The following NECTIN3 variants were observed in gnomAD, a reference collection of about 807,000 sequenced individuals.
NECTIN3 encodes nectin-3.
Under a neutral mutation model 49.4 loss-of-function variants are expected in NECTIN3, and 8 were observed. The observed-to-expected ratio is 0.16, with a 90% CI of 0.10 to 0.29. The LOEUF (loss-of-function observed/expected upper bound fraction) is 0.29. NECTIN3 is among the 10% of genes least tolerant of loss of function. The pLI, the probability that NECTIN3 is intolerant of heterozygous loss-of-function variation, is 1.00. For synonymous variants in NECTIN3, 277 were observed against 241.1 expected (o/e 1.15, Z -1.38); for missense variants, 581 against 654.6 (o/e 0.89, Z 1.23).
intron 6 of NECTIN3, chr3:111,147,293 TATATA>T (rs2034896032): frequency 2.6e-6 from 2 of 768,594 alleles, no homozygotes; most frequent in Non-Finnish European, 2.0e-6. Context: ...AAATATTATC[TATATA>T]ATATGAGGAA....
chr3:111,110,409 G>A (rs549284788), intron 1 of NECTIN3, among the ~76,000 whole-genome samples: 19 of 151,948 alleles, frequency 1.3e-4, no homozygotes, highest in African/African-American at 4.1e-4. Flanking sequence ...TTTTAACATC[G>A]AATAAGAAAG....
intron 7 of NECTIN3, among the ~76,000 whole-genome samples, chr3:111,150,019 CAT>C (rs1258118773): frequency 6.6e-6 from 1 of 151,794 alleles, no homozygotes. Context: ...TTTAGGAAAA[CAT>C]ATATAGTATT....
At chr3:111,074,353 T>C in intron 1 of NECTIN3, 1 of 366,204 alleles carries the variant, frequency 2.7e-6, no homozygotes, top group Non-Finnish European at 5.8e-6. Flanking sequence ...ATGTAATTAA[T>C]ATTTGCGTGG....
At position 111,135,402 on chromosome 3, in the gene NECTIN3, T is replaced by G; in HGVS notation, c.*1187T>G. ...ACATGAGGTTTTTTGTTTTTGTTTT[T>G]TTACATAATTACATATATTCCTTCT... On this transcript the variant is annotated 3_prime_UTR_variant, in exon 6 of 6. Coordinates refer to ENST00000485303, the MANE Select transcript of NECTIN3 (RefSeq NM_015480.3). The G allele has an allele frequency of 1.1e-6, 1 of 934,278 alleles. No homozygotes were observed. Among genetic ancestry groups the G allele is most frequent in the Non-Finnish European group, 1.3e-6 (1 of 783,620 alleles). 57.9% of individuals were successfully genotyped at this position (934,278 alleles called of 1,614,324 possible).
rs968565472 is a variant in NECTIN3, at chr3:111,135,571, T to G, written c.*1356T>G. 12 of 976,382 alleles carry G rather than the reference T, an allele frequency of 1.2e-5. No homozygotes were observed. In the African/African-American group the frequency reaches 1.8e-4, roughly 14 times the overall value. 60.5% of individuals were successfully genotyped at this position (976,382 alleles called of 1,614,324 possible). A position where few individuals can be genotyped will look rare whatever the true frequency, so the allele number is the denominator to read the frequency against. ...GAAGCTGAAAGGATAGTTTTTCTAT[T>G]GCTAAGTCATTTGAAAAAGTGACCA... On this transcript the variant is annotated 3_prime_UTR_variant, in exon 6 of 6. Coordinates refer to ENST00000485303, the MANE Select transcript of NECTIN3 (RefSeq NM_015480.3).
At chr3:111,184,591 C>T (rs578246592) in intron 7 of NECTIN3, among the ~76,000 whole-genome samples, 75 of 152,206 alleles carry the variant, frequency 4.9e-4, no homozygotes, top group African/African-American at 1.8e-3. Context: ...TTACCCAGTC[C>T]GTGGTATTCT....
At chr3:111,095,524 C>A (rs763175103) in intron 1 of NECTIN3, among the ~76,000 whole-genome samples, 4 of 152,182 alleles carry the variant, frequency 2.6e-5, no homozygotes, top group Non-Finnish European at 5.9e-5. Flanking sequence ...GACATCTAAT[C>A]TGGTTATATT....
In NECTIN3 at chr3:111,149,353, A is replaced by G. The variant is rs190961246; in HGVS notation, c.1221+1869A>G. On this transcript the variant is annotated intron_variant, in intron 7 of 8. Coordinates refer to the NECTIN3 transcript ENST00000493615. Reference sequence around the variant, plus strand: ...CTTCAGAATTACCTTCCCAGATTCCATAAAAATTCTATTGAACTCCTGAAT... The same window carrying G: ...CTTCAGAATTACCTTCCCAGATTCCGTAAAAATTCTATTGAACTCCTGAAT... Among the ~76,000 whole-genome samples, 210 of 152,132 alleles carry G rather than the reference A, an allele frequency of 1.4e-3. 1 individual carries two copies. The highest frequency in any genetic ancestry group is 4.4e-3 in the African/African-American group (184 of 41,524).
At chr3:111,187,138 A>G (rs2035733992) in intron 7 of NECTIN3, among the ~76,000 whole-genome samples, 1 of 152,214 alleles carries the variant, frequency 6.6e-6, no homozygotes, top group African/African-American at 2.4e-5. Flanking sequence ...AAAACTAAGC[A>G]TATACCTCAC....
chr3:111,080,127 A>G (rs966634672), intron 1 of NECTIN3, among the ~76,000 whole-genome samples: 2 of 152,114 alleles, frequency 1.3e-5, no homozygotes, highest in Non-Finnish European at 2.9e-5. Flanking sequence ...AAATAAGACT[A>G]TCTAGATTAT....
chr3:111,187,186 C>T (rs1263096126), intron 7 of NECTIN3, among the ~76,000 whole-genome samples: 26 of 152,008 alleles, frequency 1.7e-4, no homozygotes, highest in African/African-American at 5.6e-4. Context: ...TCATTTGACA[C>T]CAGGAATTTG....
At chr3:111,184,080 T>G (rs2035676511) in intron 7 of NECTIN3, among the ~76,000 whole-genome samples, 1 of 152,176 alleles carries the variant, frequency 6.6e-6, no homozygotes, top group African/African-American at 2.4e-5. Flanking sequence ...GATTCTGCCT[T>G]TAAGTACAGT....
intron 7 of NECTIN3, among the ~76,000 whole-genome samples, chr3:111,161,735 A>G (rs1008115619): frequency 3.3e-5 from 5 of 152,202 alleles, no homozygotes; most frequent in African/African-American, 1.2e-4. Context: ...CATGAAAGCC[A>G]TCCCTCGTTC....
At chr3:111,159,904 A>G (rs1559813220) in intron 7 of NECTIN3, among the ~76,000 whole-genome samples, 1 of 152,184 alleles carries the variant, frequency 6.6e-6, no homozygotes, top group Admixed American at 6.5e-5. Context: ...TTTTATACAT[A>G]CCTTAAATGC....
At chr3:111,137,572 T>C (rs932865197), downstream of NECTIN3, 1 of 845,824 alleles carries the variant, frequency 1.2e-6, no homozygotes, top group African/African-American at 1.9e-5. Flanking sequence ...ATTTCTGTAA[T>C]AAGTTCATTG....
At chr3:111,106,382 C>T (rs987773095) in intron 1 of NECTIN3, among the ~76,000 whole-genome samples, 1 of 152,154 alleles carries the variant, frequency 6.6e-6, no homozygotes, top group African/African-American at 2.4e-5. Flanking sequence ...CCAGAATTAT[C>T]ATTTCTAATT....
intron 1 of NECTIN3, among the ~76,000 whole-genome samples, chr3:111,096,490 A>C (rs954494614): frequency 1.3e-5 from 2 of 152,214 alleles, no homozygotes; most frequent in African/African-American, 4.8e-5. Flanking sequence ...TGAGGAGCCA[A>C]ATGTTAATCA....
intron 2 of NECTIN3, among the ~76,000 whole-genome samples, chr3:111,114,974 C>T (rs1213861206): frequency 2.6e-5 from 4 of 152,216 alleles, no homozygotes; most frequent in South Asian, 2.1e-4. Context: ...CTCACCCCAC[C>T]GCAGAATACT....
chr3:111,112,359 G>C lies in NECTIN3; in HGVS notation c.490G>C (p.Val164Leu), dbSNP rs1466134871. The change falls in exon 2 of 6, where the codon GTA (valine) becomes CTA (leucine). Residue 164 changes from valine to leucine, a missense_variant. This residue lies in a region of NECTIN3 where 234 missense variants were observed against 340.6 expected (regional missense o/e 0.69). Transcript: ENST00000485303. ...PLGNAQSSTT[V>L]TVLVEPTVSL... ...TGGAAATGCCCAGTCCTCTACAACT[G>C]TAACTGTGTTAGGTAGGTATGCTTG... 2.5e-6 allele frequency: 4 copies of C among 1,595,126 alleles called. No individual in the cohort carries two copies. Among genetic ancestry groups the C allele is most frequent in the Non-Finnish European group, 3.4e-6 (4 of 1,166,442 alleles).
Sources: allele counts gnomAD v4.1 joint callset (sites outside exome capture counted in the v4.1 genomes callset), GRCh38; gene constraint gnomAD v4.1.1; regional missense constraint gnomAD v4.1.1; transcripts MANE v1.5; gene names NCBI Gene and HGNC (gene_info 2026-07-23, HGNC 2026-07-21).